The following KCNIP4 variants were observed in gnomAD, a reference collection of about 807,000 sequenced individuals.
KCNIP4 encodes the protein potassium voltage-gated channel interacting protein 4.
KCNIP4 carries 12 observed loss-of-function variants against 34.0 expected under a neutral mutation model. The observed-to-expected ratio is 0.35, with a 90% confidence interval of 0.23 to 0.57. The LOEUF (loss-of-function observed/expected upper bound fraction) is 0.57. Ranked by LOEUF, KCNIP4 falls within the 20% of genes least tolerant of loss-of-function variation. KCNIP4 has a pLI of 0.83. For synonymous variants in KCNIP4, 124 were observed against 102.2 expected, an observed-to-expected ratio of 1.21 and a Z score of -1.29; for missense variants, 238 against 311.7, an observed-to-expected ratio of 0.76 and a Z score of 1.78.
intron 3 of KCNIP4, among the ~76,000 whole-genome samples, chr4:20,769,448 T>A (rs1218844126): frequency 6.6e-6 from 1 of 152,078 alleles, no homozygotes; most frequent in African/African-American, 2.4e-5. Context: ...CAGAAGACAG[T>A]GTCCATTTTG....
intron 1 of KCNIP4, among the ~76,000 whole-genome samples, chr4:21,616,836 A>C (rs1357994775): frequency 6.6e-6 from 1 of 152,228 alleles, no homozygotes; most frequent in African/African-American, 2.4e-5. Context: ...TACGTGTTAC[A>C]TCTAATTAAT....
intron 1 of KCNIP4, among the ~76,000 whole-genome samples, chr4:21,906,777 A>T (rs1389020330): frequency 6.6e-6 from 1 of 152,178 alleles, no homozygotes; most frequent in Non-Finnish European, 1.5e-5. Flanking sequence ...CCCTGATAAC[A>T]TCTAAATGTG....
rs939250467 is a variant in KCNIP4 at position 21,295,038 on chromosome 4, G to A, written c.62-412329C>T. Among the ~76,000 whole-genome samples, 6 of 152,118 alleles carry A rather than the reference G, an allele frequency of 3.9e-5. No homozygotes were observed. The East Asian group carries it at 1.2e-3, about 29-fold the overall frequency. ...TTGACTTTTCGAAATTCCTTCTCTA[G>A]TAAAGTCCTATTAAGACAATTAACA... On this transcript the variant is annotated intron_variant, in intron 1 of 8. Transcript: ENST00000382152.
intron 1 of KCNIP4, among the ~76,000 whole-genome samples, chr4:21,330,015 A>G (rs1478643636): frequency 6.6e-6 from 1 of 152,212 alleles, no homozygotes; most frequent in East Asian, 1.9e-4. Context: ...AGGATAATTC[A>G]TTAAAAAACA....
chr4:21,603,933 A>G (rs1367725897), intron 1 of KCNIP4, among the ~76,000 whole-genome samples: 1 of 152,142 alleles, frequency 6.6e-6, no homozygotes, highest in Non-Finnish European at 1.5e-5. Flanking sequence ...TTTAAAATAT[A>G]TTTTAATCAA....
chr4:20,994,732 T>C (rs914278769), intron 1 of KCNIP4, among the ~76,000 whole-genome samples: 42 of 152,304 alleles, frequency 2.8e-4, no homozygotes, highest in African/African-American at 9.9e-4. Flanking sequence ...AGAAAGGCAT[T>C]CGCATGTTAT....
At chr4:21,741,995 C>T (rs1217012700) in intron 1 of KCNIP4, among the ~76,000 whole-genome samples, 1 of 152,090 alleles carries the variant, frequency 6.6e-6, no homozygotes, top group Admixed American at 6.6e-5. Context: ...TGAAATTGCA[C>T]CACTGCACTC....
intron 3 of KCNIP4, among the ~76,000 whole-genome samples, chr4:20,818,373 T>C (rs912444760): frequency 3.3e-5 from 5 of 152,182 alleles, no homozygotes; most frequent in Non-Finnish European, 7.3e-5. Flanking sequence ...AAAGTTAGCA[T>C]AGAATATTCT....
chr4:21,360,281 T>C (rs1055466496), intron 1 of KCNIP4, among the ~76,000 whole-genome samples: 1 of 152,102 alleles, frequency 6.6e-6, no homozygotes, highest in African/African-American at 2.4e-5. Flanking sequence ...ATCCATTATA[T>C]TCTATTTGTG....
intron 1 of KCNIP4, among the ~76,000 whole-genome samples, chr4:21,749,154 A>T (rs1369457994): frequency 1.3e-5 from 2 of 152,130 alleles, no homozygotes; most frequent in Non-Finnish European, 2.9e-5. Flanking sequence ...TTATCCAAAC[A>T]TGTCTTCAAA....
intron 1 of KCNIP4, among the ~76,000 whole-genome samples, chr4:21,092,242 A>T (rs1191903766): frequency 6.6e-6 from 1 of 152,150 alleles, no homozygotes; most frequent in East Asian, 1.9e-4. Context: ...ATATGTAGGT[A>T]CTGAGGTACC....
intron 1 of KCNIP4, among the ~76,000 whole-genome samples, chr4:21,214,634 T>G (rs991871359): frequency 4.6e-5 from 7 of 152,188 alleles, no homozygotes; most frequent in Non-Finnish European, 8.8e-5. Context: ...GGCCTTACCA[T>G]TGAATACAAT....
chr4:21,171,516 T>C (rs1408715420), intron 1 of KCNIP4, among the ~76,000 whole-genome samples: 2 of 152,190 alleles, frequency 1.3e-5, no homozygotes, highest in South Asian at 2.1e-4. Context: ...TTCCATATAC[T>C]AAGTCAATAT....
chr4:21,702,032 T>C (rs1200600160), intron 1 of KCNIP4, among the ~76,000 whole-genome samples: 1 of 152,060 alleles, frequency 6.6e-6, no homozygotes, highest in Non-Finnish European at 1.5e-5. Flanking sequence ...AAATGAGAGA[T>C]AAAACTAGAA....
At chr4:21,126,936 A>T (rs980550425) in intron 1 of KCNIP4, among the ~76,000 whole-genome samples, 9 of 152,204 alleles carry the variant, frequency 5.9e-5, no homozygotes, top group Non-Finnish European at 1.3e-4. Context: ...AGGCTTTTAC[A>T]TGGGCTCTCT....
intron 1 of KCNIP4, among the ~76,000 whole-genome samples, chr4:21,578,438 C>T (rs1438782067): frequency 2.7e-5 from 4 of 150,060 alleles, no homozygotes; most frequent in African/African-American, 9.8e-5. Flanking sequence ...TTTTTATATG[C>T]TCAGGTAAAT....
intron 1 of KCNIP4, among the ~76,000 whole-genome samples, chr4:21,418,171 CCT>C (rs144729656): frequency 3.1e-4 from 46 of 149,150 alleles, no homozygotes; most frequent in Non-Finnish European, 4.2e-4. Flanking sequence ...ACACTCTCTC[CCT>C]CTCTCTCTCT....
rs150231185 is a variant in KCNIP4, at chr4:21,369,315, A to T, written c.62-486606T>A. On this transcript the variant is annotated intron_variant, in intron 1 of 8. Coordinates refer to ENST00000382152, the MANE Select transcript of KCNIP4 (RefSeq NM_025221.6). Reference sequence around the variant, plus strand: ...ACAGTTATGTTCTGAAGATATAAAGATTAATAAGATATATTTCTTGCCCTC... The same window carrying T: ...ACAGTTATGTTCTGAAGATATAAAGTTTAATAAGATATATTTCTTGCCCTC... Among the ~76,000 whole-genome samples, 299 of 147,564 alleles carry T rather than the reference A, an allele frequency of 2.0e-3. 57 individuals carry two copies. The highest frequency in any genetic ancestry group is 7.9e-3 in the African/African-American group (292 of 37,154).
chr4:21,433,182 A>C (rs562616269), intron 1 of KCNIP4, among the ~76,000 whole-genome samples: 1 of 152,360 alleles, frequency 6.6e-6, no homozygotes, highest in South Asian at 2.1e-4. Context: ...AGGATATTAA[A>C]AGACATGATG....
Sources: allele counts gnomAD v4.1 joint callset (sites outside exome capture counted in the v4.1 genomes callset), GRCh38; gene constraint gnomAD v4.1.1; transcripts MANE v1.5; gene names NCBI Gene and HGNC (gene_info 2026-07-23, HGNC 2026-07-21).